The following RGS7 variants were observed in gnomAD, a reference collection of about 807,000 sequenced individuals.
RGS7 encodes the protein regulator of G-protein signaling 7.
In RGS7, 27 loss-of-function variants were observed where a neutral mutation model predicts 81.1. The observed-to-expected ratio is 0.33, with a 90% CI of 0.25 to 0.46. The LOEUF is 0.46. RGS7 is among the 20% of genes least tolerant of loss of function. The pLI, the probability that RGS7 is intolerant of heterozygous loss-of-function variation, is 1.00. For synonymous variants in RGS7, 208 were observed against 207.7 expected, an observed-to-expected ratio of 1.00 and a Z score of -0.01; for missense variants, 396 against 607.4, an observed-to-expected ratio of 0.65 and a Z score of 3.66.
chr1:241,080,647 C>T (rs1002627960), intron 3 of RGS7, among the ~76,000 whole-genome samples: 18 of 152,154 alleles, frequency 1.2e-4, no homozygotes, highest in African/African-American at 4.3e-4. Context: ...AGTGACATCA[C>T]CATAAAAAAT....
chr1:240,993,100 AG>A (rs1349030853), intron 3 of RGS7, among the ~76,000 whole-genome samples: 27 of 76,932 alleles, frequency 3.5e-4, no homozygotes, highest in Non-Finnish European at 5.9e-4. Flanking sequence ...GGAAGGAGGG[AG>A]GGAGGGAGGG....
intron 2 of RGS7, among the ~76,000 whole-genome samples, chr1:241,301,671 T>C (rs922134659): frequency 9.2e-5 from 14 of 152,232 alleles, no homozygotes; most frequent in Non-Finnish European, 2.1e-4. Flanking sequence ...AAAGTTATTT[T>C]GGAAGTAAAC....
chr1:240,851,706 T>C (rs1009534073), intron 9 of RGS7, among the ~76,000 whole-genome samples: 2 of 152,172 alleles, frequency 1.3e-5, no homozygotes, highest in African/African-American at 4.8e-5. Flanking sequence ...AGTCAAAATC[T>C]TAACATTAAC....
At chr1:240,941,637 TA>T (rs1176680025) in intron 4 of RGS7, among the ~76,000 whole-genome samples, 7 of 152,084 alleles carry the variant, frequency 4.6e-5, no homozygotes, top group Admixed American at 3.9e-4. Flanking sequence ...GAAAATATAA[TA>T]GTGATATTAA....
At chr1:240,812,120 A>G (rs1317011465) in intron 13 of RGS7, 77 bp from the exon 14 acceptor site, 9 of 1,526,204 alleles carry the variant, frequency 5.9e-6, no homozygotes, top group Admixed American at 5.0e-5. Context: ...TTCCCCTTCA[A>G]AATCATGTGT....
At chr1:241,072,804 G>A (rs1256735083) in intron 3 of RGS7, among the ~76,000 whole-genome samples, 1 of 152,176 alleles carries the variant, frequency 6.6e-6, no homozygotes, top group Non-Finnish European at 1.5e-5. Context: ...GGAGAAAGGA[G>A]GTCAAGCTCT....
intron 2 of RGS7, among the ~76,000 whole-genome samples, chr1:241,232,395 A>C (rs2075717218): frequency 6.6e-6 from 1 of 151,812 alleles, no homozygotes; most frequent in Non-Finnish European, 1.5e-5. Context: ...TTTGGAGAGA[A>C]GGGATCTCAT....
intron 18 of RGS7, among the ~76,000 whole-genome samples, chr1:240,780,362 A>G (rs1683772213): frequency 6.8e-6 from 1 of 147,418 alleles, no homozygotes; most frequent in African/African-American, 2.5e-5. Context: ...AATCATTTGA[A>G]TCTGGGAGGC....
rs999308334 is a variant in RGS7, at chr1:241,144,876, G to A, written c.79-46114C>T. 6.0e-5 allele frequency among the ~76,000 whole-genome samples: 9 copies of A among 151,110 alleles called. No individual in the cohort carries two copies. Among genetic ancestry groups the A allele is most frequent in the African/African-American group, 2.0e-4 (8 of 40,900 alleles). On this transcript the variant is annotated intron_variant, in intron 2 of 18. Transcript: ENST00000440928. This position sits in a 1 kb window ranked among gnomAD's most constrained non-coding sequence, Gnocchi z 4.7. ...GCCTTTTCTTTCTTAAAATCTTAAC[G>A]TCCCAAAGGAACAACTGATGTGAGT...
intron 3 of RGS7, 45 bp downstream of exon 3, chr1:241,098,621 T>C (rs745506278): frequency 1.6e-6 from 2 of 1,281,202 alleles, no homozygotes; most frequent in Non-Finnish European, 2.3e-6. Context: ...AAGAGTTATC[T>C]AAGAGGTACA....
At chr1:240,925,336 A>G (rs1270578413) in intron 6 of RGS7, among the ~76,000 whole-genome samples, 4 of 151,962 alleles carry the variant, frequency 2.6e-5, no homozygotes, top group Non-Finnish European at 4.4e-5. Context: ...GCCCATGTAT[A>G]CCCAATGTTT....
At chr1:241,354,133 C>T (rs1456943634) in intron 2 of RGS7, among the ~76,000 whole-genome samples, 1 of 152,012 alleles carries the variant, frequency 6.6e-6, no homozygotes, top group Non-Finnish European at 1.5e-5. Flanking sequence ...ATTGTATACA[C>T]CCATAAGATA....
intron 6 of RGS7, among the ~76,000 whole-genome samples, chr1:240,897,076 C>A (rs1669211916): frequency 6.6e-6 from 1 of 151,984 alleles, no homozygotes; most frequent in Non-Finnish European, 1.5e-5. Flanking sequence ...CATGATTTGG[C>A]TGTTTGTCTG....
rs542011934 is a variant in RGS7, at chr1:241,028,522, G to C, written c.176-45393C>G. 2.6e-5 allele frequency among the ~76,000 whole-genome samples: 4 copies of C among 152,298 alleles called. No homozygotes were observed. The East Asian group carries it at 7.7e-4, about 29-fold the overall frequency. On this transcript the variant is annotated intron_variant, in intron 3 of 18. Transcript: ENST00000440928. ...CACTTCATCATTAGTTTTTGTTGGA[G>C]AAAGAGACTGAGATGCCGGTGAAAC...
intron 2 of RGS7, among the ~76,000 whole-genome samples, chr1:241,272,143 G>A (rs568628172): frequency 7.6e-4 from 115 of 151,878 alleles, no homozygotes; most frequent in African/African-American, 2.4e-3. Flanking sequence ...ACAGGCACCC[G>A]CCACCACGCC....
intron 10 of RGS7, among the ~76,000 whole-genome samples, chr1:240,822,175 G>A (rs989769884): frequency 2.0e-5 from 3 of 152,186 alleles, no homozygotes; most frequent in Non-Finnish European, 4.4e-5. Flanking sequence ...ATAGAACAAA[G>A]GCTGACCTCC....
chr1:240,775,111 TAA>T (rs1682774266), downstream of RGS7, among the ~76,000 whole-genome samples: 1 of 152,130 alleles, frequency 6.6e-6, no homozygotes, highest in Admixed American at 6.6e-5. Context: ...TCCAAAAAGT[TAA>T]GAGACACTGA....
intron 2 of RGS7, among the ~76,000 whole-genome samples, chr1:241,316,443 T>C (rs2080883402): frequency 6.6e-6 from 1 of 152,138 alleles, no homozygotes; most frequent in Non-Finnish European, 1.5e-5. Context: ...TGAAGCTACA[T>C]AGGGTAGCCA....
At chr1:240,825,488 T>C (rs1353222983) in intron 10 of RGS7, among the ~76,000 whole-genome samples, 16 of 152,150 alleles carry the variant, frequency 1.1e-4, no homozygotes, top group Admixed American at 1.0e-3. Context: ...AAAATAAGGG[T>C]ATACCTGTTA....
Sources: gnomAD v4.1 joint callset for allele counts (sites outside exome capture counted in the v4.1 genomes callset) on GRCh38, gnomAD v4.1.1 for gene constraint, Gnocchi (gnomAD v3.1) non-coding constraint, MANE v1.5 for transcripts, NCBI Gene and HGNC (gene_info 2026-07-23, HGNC 2026-07-21) for gene names.